The following ECE1 variants were observed in gnomAD, a reference collection of about 807,000 sequenced individuals.
ECE1 encodes endothelin-converting enzyme 1.
ECE1 carries 35 observed loss-of-function variants against 98.6 expected under a neutral mutation model. That is an observed-to-expected ratio of 0.35 (90% CI 0.27 to 0.47). ECE1 has a LOEUF of 0.47. Ranked by LOEUF, ECE1 falls within the 20% of genes least tolerant of loss-of-function variation. The pLI is 1.00. For synonymous variants in ECE1, 394 were observed against 407.1 expected, an observed-to-expected ratio of 0.97 and a Z score of 0.39; for missense variants, 814 against 1,025.3, an observed-to-expected ratio of 0.79 and a Z score of 2.81.
chr1:21,276,684 CTTTTT>C (rs1163785168), intron 3 of ECE1, among the ~76,000 whole-genome samples: 1 of 124,584 alleles, frequency 8.0e-6, no homozygotes. Context: ...GATTTGCTTT[CTTTTT>C]TTTTTTTTTT....
chr1:21,276,259 C>A (rs938739337), intron 3 of ECE1, among the ~76,000 whole-genome samples: 1 of 152,098 alleles, frequency 6.6e-6, no homozygotes, highest in African/African-American at 2.4e-5. Flanking sequence ...CTCTTGACCT[C>A]AGGTGATCCA....
chr1:21,250,790 G>A (rs909428226), intron 8 of ECE1, among the ~76,000 whole-genome samples: 6 of 151,384 alleles, frequency 4.0e-5, no homozygotes, highest in South Asian at 2.1e-4. Context: ...GGCAGATCAC[G>A]AGGTCAGGAA....
At chr1:21,336,343 T>C (rs1462960631) in intron 1 of ECE1, among the ~76,000 whole-genome samples, 1 of 152,146 alleles carries the variant, frequency 6.6e-6, no homozygotes, top group Non-Finnish European at 1.5e-5. Flanking sequence ...TTCATGCCAC[T>C]GTACTCCAGC....
chr1:21,231,397 A>G (rs1056841537), intron 14 of ECE1, among the ~76,000 whole-genome samples: 2 of 152,058 alleles, frequency 1.3e-5, no homozygotes, highest in Non-Finnish European at 2.9e-5. Flanking sequence ...GCTGGAGTGC[A>G]GTGGTGCAAT....
chr1:21,219,716 C>T lies in ECE1; in HGVS notation c.*239G>A, dbSNP rs909369085. Reference sequence around the variant, plus strand: ...CCTGATGAGCCACCAGCCCAGCACCCGAATGCCTGCTGAAGGTGGCGCACA... The same window carrying T: ...CCTGATGAGCCACCAGCCCAGCACCTGAATGCCTGCTGAAGGTGGCGCACA... On this transcript the variant is annotated 3_prime_UTR_variant, in exon 19 of 19. Transcript: ENST00000374893. This position sits in a 1 kb window ranked among gnomAD's most constrained non-coding sequence, Gnocchi z 4.5. 1.9e-5 allele frequency: 11 copies of T among 576,948 alleles called. No homozygotes were observed. The highest frequency in any genetic ancestry group is 1.2e-4 in the East Asian group (4 of 33,080). The allele number at this position is 576,948 out of a possible 1,614,324, so 35.7% of individuals were successfully genotyped here.
intron 4 of ECE1, among the ~76,000 whole-genome samples, chr1:21,264,311 C>CA (rs1177881014): frequency 3.0e-5 from 2 of 65,612 alleles, no homozygotes; most frequent in African/African-American, 6.6e-5. Context: ...ATACCAATTC[C>CA]CCCCCCCCCT....
rs1182460669 is a variant in ECE1, at chr1:21,249,485, C to G, written c.1021-2122G>C. Among the ~76,000 whole-genome samples the G allele has an allele frequency of 7.9e-5, 12 of 152,024 alleles. No individual in the cohort carries two copies. The East Asian group carries it at 2.1e-3, about 27-fold the overall frequency. On this transcript the variant is annotated intron_variant, in intron 8 of 18. Coordinates refer to ENST00000374893, the MANE Select transcript of ECE1 (RefSeq NM_001397.3). ...CTGAGGTGGGCAGATCGCTTGAGCCCAGGAGTTCAAGACCAGCCTGGGCAA... is the reference window on the plus strand; with the variant it reads ...CTGAGGTGGGCAGATCGCTTGAGCCGAGGAGTTCAAGACCAGCCTGGGCAA...
intron 8 of ECE1, among the ~76,000 whole-genome samples, chr1:21,248,791 A>G (rs1053548133): frequency 6.6e-5 from 10 of 151,308 alleles, no homozygotes; most frequent in Non-Finnish European, 1.0e-4. Flanking sequence ...CTCCTGGCTA[A>G]TTTTTGTATT....
intron 14 of ECE1, among the ~76,000 whole-genome samples, chr1:21,230,391 T>C (rs918562658): frequency 6.6e-6 from 1 of 152,150 alleles, no homozygotes; most frequent in African/African-American, 2.4e-5. Flanking sequence ...ATTCTCTTTT[T>C]TTTGAAACAA....
chr1:21,247,896 G>A (rs1424611771), intron 8 of ECE1, among the ~76,000 whole-genome samples: 1 of 152,166 alleles, frequency 6.6e-6, no homozygotes, highest in African/African-American at 2.4e-5. Context: ...GAGAAGTGGG[G>A]ATCACCATAA....
At chr1:21,287,019 A>G (rs2098261316) in intron 2 of ECE1, among the ~76,000 whole-genome samples, 1 of 152,226 alleles carries the variant, frequency 6.6e-6, no homozygotes, top group Admixed American at 6.5e-5. Context: ...GTCCAATAAT[A>G]AAAAATAAAT....
chr1:21,219,903 T>C lies in ECE1; in HGVS notation c.*52A>G. 6.2e-7 allele frequency: 1 copy of C among 1,606,974 alleles called. No individual in the cohort carries two copies. Among genetic ancestry groups the C allele is most frequent in the Non-Finnish European group, 8.5e-7 (1 of 1,176,600 alleles). On this transcript the variant is annotated 3_prime_UTR_variant, in exon 19 of 19. Coordinates refer to ENST00000374893, the MANE Select transcript of ECE1 (RefSeq NM_001397.3). This position sits in a 1 kb window ranked among gnomAD's most constrained non-coding sequence, Gnocchi z 4.5. ...CAATGCCCTGGAGGCTGGATGGGGGTCTCGTCCTCAGCCCCTTCCCCTCCT... is the reference window on the plus strand; with the variant it reads ...CAATGCCCTGGAGGCTGGATGGGGGCCTCGTCCTCAGCCCCTTCCCCTCCT...
intron 10 of ECE1, among the ~76,000 whole-genome samples, chr1:21,244,559 C>T (rs898016289): frequency 2.0e-5 from 3 of 152,268 alleles, no homozygotes; most frequent in Non-Finnish European, 4.4e-5. Context: ...GGGCATTTAA[C>T]GGCAGGTAGA....
intron 8 of ECE1, among the ~76,000 whole-genome samples, chr1:21,251,469 C>T (rs2098212734): frequency 6.6e-6 from 1 of 152,182 alleles, no homozygotes; most frequent in South Asian, 2.1e-4. Flanking sequence ...GAGCCAAGAT[C>T]ATGCCACTGC....
At chr1:21,290,519 C>T (rs2098265622), upstream of ECE1, 2 of 1,203,796 alleles carry the variant, frequency 1.7e-6, no homozygotes, top group South Asian at 4.2e-5. This position sits in a 1 kb window ranked among gnomAD's most constrained non-coding sequence, Gnocchi z 7.3. Context: ...GGTTCGCCGG[C>T]GCCCGGTTCC....
intron 4 of ECE1, among the ~76,000 whole-genome samples, chr1:21,270,408 T>C (rs911259751): frequency 1.3e-5 from 2 of 152,176 alleles, no homozygotes; most frequent in Non-Finnish European, 2.9e-5. Context: ...GAAAGGGAGC[T>C]AATGTCTGTC....
intron 1 of ECE1, among the ~76,000 whole-genome samples, chr1:21,338,066 C>T (rs1268451401): frequency 6.6e-6 from 1 of 152,222 alleles, no homozygotes; most frequent in Non-Finnish European, 1.5e-5. Flanking sequence ...GCCCCCTCTG[C>T]CCTCCCTCAT....
At chr1:21,222,607 C>A (rs1354651223) in intron 17 of ECE1, among the ~76,000 whole-genome samples, 1 of 151,980 alleles carries the variant, frequency 6.6e-6, no homozygotes, top group Non-Finnish European at 1.5e-5. Context: ...TTGGAAGGCC[C>A]AGGCAGGTGG....
intron 2 of ECE1, among the ~76,000 whole-genome samples, chr1:21,285,807 C>T (rs983351167): frequency 1.3e-5 from 2 of 151,030 alleles, no homozygotes; most frequent in Admixed American, 1.3e-4. Flanking sequence ...GGCTGGCCAA[C>T]ATGGTAAAAC....
Sources: allele counts gnomAD v4.1 joint callset (sites outside exome capture counted in the v4.1 genomes callset), GRCh38; gene constraint gnomAD v4.1.1; non-coding constraint Gnocchi (gnomAD v3.1); transcripts MANE v1.5; gene names NCBI Gene and HGNC (gene_info 2026-07-23, HGNC 2026-07-21).